THOC5: variants seen among roughly 807,000 people sequenced by gnomAD.
THOC5 encodes the protein Fms-interacting protein.
A neutral mutation model predicts 92.9 loss-of-function variants in THOC5; 43 were observed. The observed-to-expected ratio is 0.46, with a 90% CI of 0.36 to 0.60. The LOEUF is 0.60. THOC5 is among the 20% of genes least tolerant of loss of function. THOC5 has a pLI of 0.00. For synonymous variants in THOC5, 296 were observed against 320.1 expected (o/e 0.92, Z 0.80); for missense variants, 659 against 849.4 (o/e 0.78, Z 2.79).
chr22:29,512,089 G>A lies in THOC5; in HGVS notation c.1729C>T (p.Pro577Ser). 1 of 1,614,164 alleles carries A rather than the reference G, an allele frequency of 6.2e-7. No individual in the cohort carries two copies. Among genetic ancestry groups the A allele is most frequent in the Non-Finnish European group, 8.5e-7 (1 of 1,180,004 alleles). The change falls in exon 18 of 20, where the codon CCA (proline) becomes TCA (serine). Residue 577 changes from proline to serine, a missense_variant. Coordinates refer to ENST00000490103, the MANE Select transcript of THOC5 (RefSeq NM_003678.5). ...VVLNPGYSSIPPVFQLCLNWK... is the reference protein window; with the variant it reads ...VVLNPGYSSISPVFQLCLNWK... ...TTCAAACAGAGCTGGAAAACAGGTG[G>A]GATGGAGGAGTAGCCAGGGTTCAAC... is the stretch of plus-strand genomic sequence containing the variant.
intron 2 of THOC5, 61 bp downstream of exon 2, chr22:29,548,991 G>T: frequency 6.5e-7 from 1 of 1,548,564 alleles, no homozygotes; most frequent in Non-Finnish European, 8.9e-7. Flanking sequence ...CAAACACACA[G>T]CCAGGTGCTT....
chr22:29,551,838 C>T (rs111366545), intron 1 of THOC5, among the ~76,000 whole-genome samples: 3 of 145,166 alleles, frequency 2.1e-5, no homozygotes, highest in Non-Finnish European at 3.0e-5. Context: ...GATGCCGAGC[C>T]GAAGCTGGAC....
chr22:29,519,318 G>A lies in THOC5; in HGVS notation c.1375-198C>T, dbSNP rs904465614. Among the ~76,000 whole-genome samples the A allele has an allele frequency of 6.6e-5, 10 of 152,308 alleles. No homozygotes were observed. The South Asian group carries it at 8.3e-4, about 13-fold the overall frequency. ...TGGCAGAAACAACACAATATGCTGC[G>A]TTCTTGAGAAGCTGTGTCCAACTCC... On this transcript the variant is annotated intron_variant, in intron 14 of 19. Coordinates refer to ENST00000490103, the MANE Select transcript of THOC5 (RefSeq NM_003678.5).
In THOC5 at chr22:29,511,285, G is replaced by A. The variant is rs866852963; in HGVS notation, c.1809C>T (p.Gly603=). ...SNDDNIRAME[G]EVNVCYKELC... ...GCTCCTTGTAGCACACATTGACTTC[G>A]CCCTCCATGGCCTGTGTGATAGGAA... Residue 603 remains glycine (G), a synonymous_variant, in exon 19 of 20, where the codon GGC becomes GGT. Transcript: ENST00000490103. 2.2e-5 allele frequency: 36 copies of A among 1,610,982 alleles called. No individual in the cohort carries two copies. Among genetic ancestry groups the A allele is most frequent in the Non-Finnish European group, 2.9e-5 (34 of 1,178,804 alleles).
chr22:29,549,257 G>T, intron 1 of THOC5, 99 bp from the exon 2 acceptor site: 1 of 997,158 alleles, frequency 1.0e-6, no homozygotes, highest in Non-Finnish European at 1.5e-6. Flanking sequence ...CTCAAGGAAA[G>T]TCATTTAACC....
intron 7 of THOC5, chr22:29,535,984 CCTT>C (rs879296170): frequency 1.3e-5 from 2 of 152,180 alleles, no homozygotes; most frequent in Non-Finnish European, 2.9e-5. Context: ...CAACAACTCT[CCTT>C]CTACGCTTAC....
In THOC5 at chr22:29,529,206, A is replaced by G; in HGVS notation, c.881T>C (p.Val294Ala). 6.2e-7 allele frequency: 1 copy of G among 1,614,212 alleles called. No homozygotes were observed. The highest frequency in any genetic ancestry group is 8.5e-7 in the Non-Finnish European group (1 of 1,180,032). Reference sequence around the variant, plus strand: ...TTTGAACAGAGCCTTGGCTTCATCCACACTGCCTTCGATTGCCACAGATAA... The same window carrying G: ...TTTGAACAGAGCCTTGGCTTCATCCGCACTGCCTTCGATTGCCACAGATAA... ...KTLSVAIEGS[V>A]DEAKALFKPP... The change falls in exon 9 of 20, where the codon GTG becomes GCG. Residue 294 changes from valine to alanine, a missense_variant. By Grantham distance (64) the Val-to-Ala change is moderately conservative. Coordinates refer to ENST00000490103, the MANE Select transcript of THOC5 (RefSeq NM_003678.5).
chr22:29,531,662 C>G, intron 8 of THOC5, 169 bp downstream of exon 8: 1 of 1,397,310 alleles, frequency 7.2e-7, no homozygotes, highest in Non-Finnish European at 9.3e-7. Flanking sequence ...CTTAGGCCAG[C>G]TGGTCAGAGC....
intron 1 of THOC5, among the ~76,000 whole-genome samples, chr22:29,552,018 C>T (rs1021126628): frequency 2.6e-4 from 39 of 152,300 alleles, no homozygotes; most frequent in Non-Finnish European, 4.7e-4. Flanking sequence ...AGCTCCTGAC[C>T]GCGAGTGATC....
intron 13 of THOC5, 26 bp downstream of exon 13, chr22:29,520,972 C>G: frequency 6.4e-7 from 1 of 1,570,214 alleles, no homozygotes; most frequent in Non-Finnish European, 8.8e-7. Context: ...GTAGAGAGCT[C>G]GGAGAGGAGG....
chr22:29,519,465 G>C (rs2063396716), intron 14 of THOC5, among the ~76,000 whole-genome samples: 1 of 152,222 alleles, frequency 6.6e-6, no homozygotes, highest in Non-Finnish European at 1.5e-5. Context: ...CCCAGAGCAA[G>C]GACTCAAGTT....
At position 29,544,483 on chromosome 22, in the gene THOC5, T is replaced by C. The variant is rs1302742190; in HGVS notation, c.217A>G (p.Lys73Glu). 6.2e-7 allele frequency: 1 copy of C among 1,613,696 alleles called. No individual in the cohort carries two copies. Among genetic ancestry groups the C allele is most frequent in the Non-Finnish European group, 8.5e-7 (1 of 1,179,972 alleles). Residue 73 changes from lysine to glutamate, a missense_variant, in exon 3 of 20, where the codon AAG becomes GAG. Physicochemically the swap from Lys to Glu is moderately conservative, Grantham distance 56. Coordinates refer to ENST00000490103, the MANE Select transcript of THOC5 (RefSeq NM_003678.5). ...ACCACATCCTTGCCACCCCTGCTCTTCAGGTCTTGGATCTCAGCCATCAGC... is the reference window on the plus strand; with the variant it reads ...ACCACATCCTTGCCACCCCTGCTCTCCAGGTCTTGGATCTCAGCCATCAGC... Reference protein sequence around the residue: ...QRLMAEIQDLKSRGGKDVAIE... With the variant: ...QRLMAEIQDLESRGGKDVAIE...
intron 2 of THOC5, 104 bp from the exon 3 acceptor site, chr22:29,544,707 A>C: frequency 8.4e-7 from 1 of 1,183,934 alleles, no homozygotes; most frequent in Non-Finnish European, 1.2e-6. Context: ...AACAGTAACA[A>C]TGAAGCCTCA....
At chr22:29,536,410 C>A in intron 7 of THOC5, 1 of 507,738 alleles carries the variant, frequency 2.0e-6, no homozygotes, top group Non-Finnish European at 3.5e-6. Context: ...TGGATGAAAA[C>A]ACCCAGGTCA....
chr22:29,535,430 AGCATATACC>A (rs1422522066), intron 7 of THOC5: 1 of 152,132 alleles, frequency 6.6e-6, no homozygotes, highest in African/African-American at 2.4e-5. Flanking sequence ...GACTTTTCCA[AGCATATACC>A]GCATATACCC....
At chr22:29,512,780 G>A (rs1431662026) in intron 17 of THOC5, among the ~76,000 whole-genome samples, 1 of 152,166 alleles carries the variant, frequency 6.6e-6, no homozygotes, top group Non-Finnish European at 1.5e-5. Context: ...ATAGTTGGAA[G>A]GTAGCAGTGC....
intron 3 of THOC5, 122 bp from the exon 4 acceptor site, chr22:29,543,664 A>T: frequency 3.4e-6 from 2 of 590,604 alleles, no homozygotes; most frequent in East Asian, 2.8e-5. Context: ...GCTCAGAACC[A>T]TGAGAAGGGT....
At chr22:29,520,802 C>G (rs75708022) in intron 13 of THOC5, among the ~76,000 whole-genome samples, 196 bp downstream of exon 13, 2 of 152,144 alleles carry the variant, frequency 1.3e-5, no homozygotes, top group Non-Finnish European at 2.9e-5. Context: ...AGCATGTTTC[C>G]GAGTTTTGAT....
In THOC5 at chr22:29,508,442, G is replaced by A. The variant is rs963296456; in HGVS notation, c.*15C>T. ...AGGGTGAGGCCTTGGGGGAAACAAC[G>A]GTCTGCGCGGGAGATCAGCGATGGC... On this transcript the variant is annotated 3_prime_UTR_variant, in exon 20 of 20. Coordinates refer to ENST00000490103, the MANE Select transcript of THOC5 (RefSeq NM_003678.5). 9 of 1,613,938 alleles carry A rather than the reference G, an allele frequency of 5.6e-6. No homozygotes were observed. In the East Asian group the frequency reaches 1.3e-4, roughly 24 times the overall value.
Sources: allele counts gnomAD v4.1 joint callset (sites outside exome capture counted in the v4.1 genomes callset), GRCh38; gene constraint gnomAD v4.1.1; transcripts MANE v1.5; gene names NCBI Gene and HGNC (gene_info 2026-07-23, HGNC 2026-07-21).